The following XKR3 variants were observed in gnomAD, a reference collection of about 807,000 sequenced individuals.
XKR3 encodes the protein XK-related protein 3.
Under a neutral mutation model 40.3 loss-of-function variants are expected in XKR3, and 27 were observed. The ratio of observed to expected loss-of-function variants is 0.67; its 90% CI spans 0.49 to 0.92. XKR3 has a LOEUF of 0.92. Among genes scored for constraint, XKR3 ranks in the 40% least tolerant of loss-of-function variants. XKR3 has a pLI of 0.00. For synonymous variants in XKR3, 193 were observed against 195.4 expected, an observed-to-expected ratio of 0.99 and a Z score of 0.10; for missense variants, 472 against 537.6, an observed-to-expected ratio of 0.88 and a Z score of 1.21.
intron 2 of XKR3, among the ~76,000 whole-genome samples, chr22:16,800,603 A>G (rs765150417): frequency 6.6e-6 from 1 of 152,180 alleles, no homozygotes; most frequent in Non-Finnish European, 1.5e-5. Context: ...AACTCAATGA[A>G]TGCTTAAAAC....
At chr22:16,803,684 C>T (rs192471692) in intron 2 of XKR3, among the ~76,000 whole-genome samples, 33 of 152,282 alleles carry the variant, frequency 2.2e-4, no homozygotes, top group Middle Eastern at 6.8e-3. Context: ...GACCTCTGGT[C>T]GTCCTCACTG....
chr22:16,784,958 A>T (rs2067092250), intron 3 of XKR3, among the ~76,000 whole-genome samples: 1 of 152,210 alleles, frequency 6.6e-6, no homozygotes, highest in South Asian at 2.1e-4. Context: ...GAGCTGACAG[A>T]TTCTGCTGAG....
intron 2 of XKR3, among the ~76,000 whole-genome samples, chr22:16,805,284 C>A (rs148166857): frequency 6.6e-4 from 100 of 152,272 alleles, no homozygotes; most frequent in African/African-American, 1.9e-3. Context: ...TTTCTACATA[C>A]TAGCAATGAA....
chr22:16,801,457 G>A lies in XKR3; in HGVS notation c.336-1433C>T, dbSNP rs367826876. On this transcript the variant is annotated intron_variant, in intron 2 of 3. Coordinates refer to ENST00000684488, the MANE Select transcript of XKR3 (RefSeq NM_001386955.1). Reference sequence around the variant, plus strand: ...CAGTTATTGCTGAGGCAGGAGTATCGCTTGAGCCTGGGTGGCAGAAATTGC... The same window carrying A: ...CAGTTATTGCTGAGGCAGGAGTATCACTTGAGCCTGGGTGGCAGAAATTGC... Among the ~76,000 whole-genome samples the A allele has an allele frequency of 5.9e-5, 9 of 152,256 alleles. No homozygotes were observed. In the South Asian group the frequency reaches 6.2e-4, roughly 11 times the overall value.
At chr22:16,787,926 A>G (rs1746020452) in intron 3 of XKR3, among the ~76,000 whole-genome samples, 1 of 152,226 alleles carries the variant, frequency 6.6e-6, no homozygotes. Context: ...AGAAATGAAT[A>G]GATCATGCAG....
In XKR3 at chr22:16,783,764, C is replaced by T. The variant is rs2060075895; in HGVS notation, c.1235G>A (p.Arg412His). The change falls in exon 4 of 4, where the codon CGT becomes CAT. Residue 412 changes from arginine (R) to histidine (H), a missense_variant. Transcript: ENST00000684488. ...CGGTGCTTCTGGCTGATTTTCAGTA[C>T]GTCCTGGCAACACTTTGCCTGACTG... is the stretch of plus-strand genomic sequence containing the variant. Reference protein sequence around the residue: ...PWQSGKVLPGRTENQPEAPYY... With the variant: ...PWQSGKVLPGHTENQPEAPYY... The T allele has an allele frequency of 1.9e-6, 3 of 1,614,072 alleles. No homozygotes were observed. The highest frequency in any genetic ancestry group is 1.3e-5 in the African/African-American group (1 of 74,992).
At position 16,812,385 on chromosome 22, in the gene XKR3, A is replaced by C. The variant is rs547843632; in HGVS notation, c.-10-4302T>G. On this transcript the variant is annotated intron_variant, in intron 1 of 3. Transcript: ENST00000684488. ...CATAGTATAACATTAGCCATTTTAAAGTACACACTTGCTGGGCGCGGTGGC... is the reference window on the plus strand; with the variant it reads ...CATAGTATAACATTAGCCATTTTAACGTACACACTTGCTGGGCGCGGTGGC... Among the ~76,000 whole-genome samples, 4 of 152,238 alleles carry C rather than the reference A, an allele frequency of 2.6e-5. No homozygotes were observed. The South Asian group carries it at 8.3e-4, about 32-fold the overall frequency.
At chr22:16,795,435 T>C (rs1369779685) in intron 3 of XKR3, among the ~76,000 whole-genome samples, 1 of 152,134 alleles carries the variant, frequency 6.6e-6, no homozygotes, top group African/African-American at 2.4e-5. Context: ...AGCCCTAAAA[T>C]GCCTTCATCA....
At chr22:16,823,636 C>T (rs1456658201) in intron 1 of XKR3, among the ~76,000 whole-genome samples, 1 of 152,142 alleles carries the variant, frequency 6.6e-6, no homozygotes, top group African/African-American at 2.4e-5. Context: ...TGCCAATTTG[C>T]AGCATCACAA....
intron 1 of XKR3, among the ~76,000 whole-genome samples, chr22:16,813,565 T>C (rs1195032920): frequency 6.6e-6 from 1 of 152,212 alleles, no homozygotes; most frequent in Non-Finnish European, 1.5e-5. Context: ...AGATATATGG[T>C]GAGTGAATGT....
chr22:16,819,095 G>T (rs1294696334), intron 1 of XKR3, among the ~76,000 whole-genome samples: 3 of 151,896 alleles, frequency 2.0e-5, no homozygotes, highest in African/African-American at 7.3e-5. Context: ...AACAGGTATG[G>T]GCTGGCTCTG....
At chr22:16,800,172 A>G in intron 2 of XKR3, 148 bp from the exon 3 acceptor site, 1 of 952,626 alleles carries the variant, frequency 1.0e-6, no homozygotes, top group Non-Finnish European at 1.5e-6. Context: ...GATAAAAAAT[A>G]AGTTTCTAAC....
Position 16,807,985 on chromosome 22 carries a change from T to G in XKR3, c.89A>C (p.His30Pro), listed in dbSNP as rs1371240654. The change falls in exon 2 of 4, where the codon CAT (histidine) becomes CCT (proline). Residue 30 changes from histidine to proline, a missense_variant. Physicochemically the swap from His to Pro is moderately conservative, Grantham distance 77. Transcript: ENST00000684488. ...GATAATGCTAAAAGGAAAGCTTAGATGGAGTCTCTGGCCAAGGACTATTTC... is the reference window on the plus strand; with the variant it reads ...GATAATGCTAAAAGGAAAGCTTAGAGGGAGTCTCTGGCCAAGGACTATTTC... ...KEEIVLGQRLHLSFPFSIIFS... is the reference protein window; with the variant it reads ...KEEIVLGQRLPLSFPFSIIFS... 6.2e-7 allele frequency: 1 copy of G among 1,613,988 alleles called. No homozygotes were observed. The highest frequency in any genetic ancestry group is 1.1e-5 in the South Asian group (1 of 91,064).
At chr22:16,795,027 TAAACTC>T (rs2060134711) in intron 3 of XKR3, among the ~76,000 whole-genome samples, 1 of 152,186 alleles carries the variant, frequency 6.6e-6, no homozygotes, top group Non-Finnish European at 1.5e-5. Context: ...ACTCTGGACT[TAAACTC>T]AACACTTGAC....
At chr22:16,800,083 A>T in intron 2 of XKR3, 59 bp from the exon 3 acceptor site, 1 of 1,562,524 alleles carries the variant, frequency 6.4e-7, no homozygotes, top group Non-Finnish European at 8.7e-7. Flanking sequence ...ATCTAGAAAT[A>T]TTTGAAAGTT....
intron 3 of XKR3, among the ~76,000 whole-genome samples, chr22:16,794,960 A>T (rs2060134437): frequency 1.3e-5 from 2 of 152,216 alleles, no homozygotes; most frequent in Non-Finnish European, 1.5e-5. Flanking sequence ...TCCTAAATAC[A>T]CATACATACA....
At chr22:16,807,536 AT>A (rs1190111682) in intron 2 of XKR3, among the ~76,000 whole-genome samples, 1 of 152,230 alleles carries the variant, frequency 6.6e-6, no homozygotes, top group Admixed American at 6.5e-5. Context: ...TCCCATTTGC[AT>A]TTTTAAAAAA....
chr22:16,808,704 TC>T (rs1440030949), intron 1 of XKR3, among the ~76,000 whole-genome samples: 1 of 152,124 alleles, frequency 6.6e-6, no homozygotes, highest in Non-Finnish European at 1.5e-5. Context: ...GTTTAAACTC[TC>T]TTTTGTTGGG....
intron 1 of XKR3, among the ~76,000 whole-genome samples, chr22:16,809,318 T>C (rs1026886351): frequency 4.6e-5 from 7 of 152,242 alleles, no homozygotes; most frequent in Non-Finnish European, 1.0e-4. Flanking sequence ...TCCATCAATA[T>C]GATTGATCTT....
Sources: gnomAD v4.1 joint callset for allele counts (sites outside exome capture counted in the v4.1 genomes callset) on GRCh38, gnomAD v4.1.1 for gene constraint, MANE v1.5 for transcripts, NCBI Gene and HGNC (gene_info 2026-07-23, HGNC 2026-07-21) for gene names.